Variants in PGM5 observed in about 807,000 individuals in gnomAD.
The protein encoded by PGM5 is phosphoglucomutase-like protein 5.
In PGM5, 23 loss-of-function variants were observed where a neutral mutation model predicts 59.2. That is an observed-to-expected ratio of 0.39 (90% CI 0.28 to 0.55). The LOEUF is 0.55. Ranked by LOEUF, PGM5 falls within the 20% of genes least tolerant of loss-of-function variation. PGM5 has a pLI of 0.66. For synonymous variants in PGM5, 214 were observed against 286.0 expected (o/e 0.75, Z 2.54); for missense variants, 574 against 748.3 (o/e 0.77, Z 2.72).
At chr9:68,438,108 C>T (rs531631938) in intron 6 of PGM5, among the ~76,000 whole-genome samples, 11 of 151,624 alleles carry the variant, frequency 7.3e-5, no homozygotes, top group African/African-American at 2.4e-4. Context: ...GGCAACATGG[C>T]GAAACCCTGT....
chr9:68,461,530 T>C (rs1383542034), intron 6 of PGM5, among the ~76,000 whole-genome samples: 1 of 152,154 alleles, frequency 6.6e-6, no homozygotes, highest in Non-Finnish European at 1.5e-5. Flanking sequence ...GCCAATGTGA[T>C]AGTATTCAGA....
In PGM5 at chr9:68,392,391, A is replaced by G. The variant is rs145194429; in HGVS notation, c.961A>G (p.Asn321Asp). 8.2e-4 allele frequency: 1,326 copies of G among 1,611,386 alleles called. No individual in the cohort carries two copies. Among genetic ancestry groups the G allele is most frequent in the Non-Finnish European group, 1.1e-3 (1,270 of 1,179,348 alleles). Residue 321 changes from asparagine to aspartate, a missense_variant, in exon 6 of 11, where the codon AAC (asparagine) becomes GAC (aspartate). By Grantham distance (23) the Asn-to-Asp change is conservative. Around this residue, in one of 7 missense-constraint regions of PGM5, gnomAD observed 8 missense variants for 75.4 expected, o/e 0.11. Coordinates refer to ENST00000396396, the MANE Select transcript of PGM5 (RefSeq NM_021965.4). The stretch of plus-strand genomic sequence containing the variant: ...TGACTCCCTGGCCATCATTGCTGCC[A>G]ACCTCTCTTGCATTCCATATTTCCG... ...PSDSLAIIAA[N>D]LSCIPYFRQM...
At chr9:68,488,818 C>A (rs1385055823) in intron 9 of PGM5, among the ~76,000 whole-genome samples, 1 of 152,130 alleles carries the variant, frequency 6.6e-6, no homozygotes, top group Non-Finnish European at 1.5e-5. Context: ...AATCTAGTCA[C>A]ATGAAGGACT....
chr9:68,380,674 T>C (rs541831440), intron 2 of PGM5, among the ~76,000 whole-genome samples: 4 of 151,560 alleles, frequency 2.6e-5, no homozygotes, highest in Non-Finnish European at 5.9e-5. Context: ...TTTGAAAAAA[T>C]AAAATCTACA....
intron 6 of PGM5, among the ~76,000 whole-genome samples, chr9:68,422,121 T>C (rs1420052710): frequency 2.0e-5 from 3 of 152,066 alleles, no homozygotes; most frequent in African/African-American, 7.2e-5. Context: ...AGAAGCTATA[T>C]ATTAAGAGAC....
At chr9:68,434,358 A>G (rs1157628414) in intron 6 of PGM5, among the ~76,000 whole-genome samples, 1 of 151,924 alleles carries the variant, frequency 6.6e-6, no homozygotes, top group Non-Finnish European at 1.5e-5. Flanking sequence ...AAAAAAGAAA[A>G]AAATGTCAAA....
At chr9:68,451,305 A>C (rs1823692410) in intron 6 of PGM5, among the ~76,000 whole-genome samples, 1 of 152,240 alleles carries the variant, frequency 6.6e-6, no homozygotes, top group African/African-American at 2.4e-5. Flanking sequence ...CTTTATTCTT[A>C]AATTTAATAT....
rs782034091 is a variant in PGM5, at chr9:68,406,678, GTATATATATATATATATATA to G, written c.1043+14233_1043+14252del. Among the ~76,000 whole-genome samples, 4 of 23,612 alleles carry G rather than the reference GTATATATATATATATATATA, an allele frequency of 1.7e-4. 1 individual carries two copies. The highest frequency in any genetic ancestry group is 7.0e-4 in the African/African-American group (4 of 5,686). The allele number at this position is 23,612 out of a possible 152,430, so 15.5% of individuals were successfully genotyped here. Reference sequence around the variant, plus strand: ...AAATTAGGTATATATATATATATATGTATATATATATATATATATATATATATATATATATATATATATAT... The same window carrying G: ...AAATTAGGTATATATATATATATATGTATATATATATATATATATATATAT... On this transcript the variant is annotated intron_variant, in intron 6 of 10. Coordinates refer to ENST00000396396, the MANE Select transcript of PGM5 (RefSeq NM_021965.4).
At chr9:68,417,915 C>T (rs1823062190) in intron 6 of PGM5, among the ~76,000 whole-genome samples, 1 of 152,308 alleles carries the variant, frequency 6.6e-6, no homozygotes, top group Middle Eastern at 3.4e-3. Flanking sequence ...TTATGGAAAC[C>T]TCTGGCAGTA....
At chr9:68,389,282 G>A (rs1332756834) in intron 4 of PGM5, among the ~76,000 whole-genome samples, 2 of 151,956 alleles carry the variant, frequency 1.3e-5, no homozygotes, top group Non-Finnish European at 2.9e-5. Flanking sequence ...ACTCACTCCT[G>A]GTAGGTATAC....
At chr9:68,446,116 C>T (rs140542084) in intron 6 of PGM5, among the ~76,000 whole-genome samples, 1 of 152,272 alleles carries the variant, frequency 6.6e-6, no homozygotes, top group East Asian at 1.9e-4. Flanking sequence ...CCAGTATGTC[C>T]TTCCAAATAT....
At chr9:68,457,642 T>C (rs896754774) in intron 6 of PGM5, among the ~76,000 whole-genome samples, 1 of 152,212 alleles carries the variant, frequency 6.6e-6, no homozygotes, top group Admixed American at 6.5e-5. Context: ...TAATTGGATA[T>C]AGAAAAGAGA....
chr9:68,372,273 C>T (rs1554677222), intron 1 of PGM5, among the ~76,000 whole-genome samples: 1 of 122,714 alleles, frequency 8.1e-6, no homozygotes, highest in African/African-American at 3.2e-5. Flanking sequence ...TAGGGAGAAT[C>T]TGCTCCCGCC....
chr9:68,385,201 A>T (rs1554678750), intron 3 of PGM5, among the ~76,000 whole-genome samples: 1 of 149,558 alleles, frequency 6.7e-6, no homozygotes, highest in Non-Finnish European at 1.5e-5. Context: ...TTTAGACCAT[A>T]TGACAACAAC....
At chr9:68,422,640 T>C (rs1554682428) in intron 6 of PGM5, among the ~76,000 whole-genome samples, 1 of 152,080 alleles carries the variant, frequency 6.6e-6, no homozygotes, top group African/African-American at 2.4e-5. Context: ...AGGCATATTG[T>C]TGATGAGGTA....
intron 7 of PGM5, among the ~76,000 whole-genome samples, chr9:68,475,184 A>ATTTTTTTTTTTTTT (rs782687667): frequency 8.8e-4 from 99 of 112,766 alleles, no homozygotes; most frequent in African/African-American, 1.5e-3. Context: ...TGCCTGGCTA[A>ATTTTTTTTTTTTTT]TTTTTTTTTT....
intron 6 of PGM5, among the ~76,000 whole-genome samples, chr9:68,438,929 G>T (rs1564005934): frequency 6.6e-6 from 1 of 152,004 alleles, no homozygotes; most frequent in African/African-American, 2.4e-5. Flanking sequence ...AACAATCCAA[G>T]ATGGCCAAAA....
At chr9:68,379,555 TA>T (rs1554678146) in intron 2 of PGM5, among the ~76,000 whole-genome samples, 1 of 152,086 alleles carries the variant, frequency 6.6e-6, no homozygotes, top group African/African-American at 2.4e-5. Context: ...ATCTACAAAG[TA>T]ACCAGAAAAC....
intron 6 of PGM5, among the ~76,000 whole-genome samples, chr9:68,427,697 A>T (rs1190155784): frequency 6.6e-6 from 1 of 152,196 alleles, no homozygotes; most frequent in South Asian, 2.1e-4. Context: ...CTGCAAGGGG[A>T]TGTAGAAAGT....
Sources: gnomAD v4.1 joint callset for allele counts (sites outside exome capture counted in the v4.1 genomes callset) on GRCh38, gnomAD v4.1.1 for gene constraint, gnomAD v4.1.1 regional missense constraint, MANE v1.5 for transcripts, NCBI Gene and HGNC (gene_info 2026-07-23, HGNC 2026-07-21) for gene names.